The following ANKRD45 variants were observed in gnomAD, a reference collection of about 807,000 sequenced individuals.
ANKRD45 encodes the protein ankyrin repeat domain-containing protein 45.
ANKRD45 carries 21 observed loss-of-function variants against 28.1 expected under a neutral mutation model. The ratio of observed to expected loss-of-function variants is 0.75; its 90% CI spans 0.53 to 1.08. The LOEUF (loss-of-function observed/expected upper bound fraction) is 1.08. ANKRD45 is among the 50% of genes least tolerant of loss of function. The pLI is 0.00. For synonymous variants in ANKRD45, 86 were observed against 103.9 expected (o/e 0.83, Z 1.05); for missense variants, 261 against 308.7 (o/e 0.85, Z 1.16).
chr1:173,629,712 G>T (rs1033511960), intron 3 of ANKRD45, among the ~76,000 whole-genome samples: 1 of 151,960 alleles, frequency 6.6e-6, no homozygotes, highest in Admixed American at 6.6e-5. Context: ...TTAAAGAGGA[G>T]GTAGAGAGAG....
chr1:173,623,389 C>A (rs574288892), intron 5 of ANKRD45, among the ~76,000 whole-genome samples: 8 of 151,338 alleles, frequency 5.3e-5, no homozygotes, highest in Non-Finnish European at 1.2e-4. Flanking sequence ...TAGAGAAATG[C>A]GAATCAAAAA....
Position 173,620,339 on chromosome 1 carries a change from C to G in ANKRD45, c.730+4448G>C, listed in dbSNP as rs548864702. Among the ~76,000 whole-genome samples, 77 of 152,310 alleles carry G rather than the reference C, an allele frequency of 5.1e-4. 1 individual carries two copies. The South Asian group carries it at 0.015, about 30-fold the overall frequency. ...AACTGCATGGAAATTGAACAACCTG[C>G]TCCTGAATGACTCCTGGGTAAATAC... On this transcript the variant is annotated intron_variant, in intron 5 of 5. Transcript: ENST00000333279.
At chr1:173,643,516 C>T (rs1668794739) in intron 3 of ANKRD45, among the ~76,000 whole-genome samples, 1 of 152,038 alleles carries the variant, frequency 6.6e-6, no homozygotes, top group Non-Finnish European at 1.5e-5. Context: ...TAATTTCCTA[C>T]TTCAGATTGC....
chr1:173,680,239 C>T, the ANKRD45 span, among the ~76,000 whole-genome samples: 1 of 152,150 alleles, frequency 6.6e-6, no homozygotes, highest in African/African-American at 2.4e-5. Flanking sequence ...CACATGCACA[C>T]GTGTGTTTAT....
chr1:173,662,901 G>A (rs1246398631), intron 1 of ANKRD45, among the ~76,000 whole-genome samples: 2 of 152,110 alleles, frequency 1.3e-5, no homozygotes, highest in Non-Finnish European at 2.9e-5. Flanking sequence ...TTGGAAATGG[G>A]AGTTGAGTTA....
the ANKRD45 span, among the ~76,000 whole-genome samples, chr1:173,677,543 C>T: frequency 6.6e-6 from 1 of 152,040 alleles, no homozygotes; most frequent in Non-Finnish European, 1.5e-5. Context: ...AGTCCCTGGA[C>T]CTTGAGGAGT....
chr1:173,669,039 C>T (rs911043434), intron 1 of ANKRD45, among the ~76,000 whole-genome samples: 11 of 152,188 alleles, frequency 7.2e-5, no homozygotes, highest in Non-Finnish European at 1.3e-4. Flanking sequence ...GAGCCACCCA[C>T]AATAGAAAAT....
intron 3 of ANKRD45, chr1:173,637,033 C>G: frequency 6.6e-7 from 1 of 1,504,422 alleles, no homozygotes; most frequent in South Asian, 1.2e-5. Context: ...CCAGAAGATA[C>G]TAAATAAATG....
the ANKRD45 span, among the ~76,000 whole-genome samples, chr1:173,699,335 A>T: frequency 1.3e-5 from 2 of 152,234 alleles, no homozygotes; most frequent in Non-Finnish European, 2.9e-5. Flanking sequence ...GGCCAGCATC[A>T]TCTTGATACC....
rs1041184283 is a variant in ANKRD45 at position 173,609,069 on chromosome 1, C to T, written c.*1076G>A. Among the ~76,000 whole-genome samples the T allele has an allele frequency of 5.3e-5, 8 of 151,288 alleles. No homozygotes were observed. Among genetic ancestry groups the T allele is most frequent in the African/African-American group, 1.9e-4 (8 of 41,202 alleles). ...ACTGCTCCATAAACACCCACTGGGTCGGCCAAAAAGGTGGCTGAAAGTTAT... is the reference window on the plus strand; with the variant it reads ...ACTGCTCCATAAACACCCACTGGGTTGGCCAAAAAGGTGGCTGAAAGTTAT... On this transcript the variant is annotated 3_prime_UTR_variant, in exon 6 of 6. Transcript: ENST00000333279.
chr1:173,676,654 T>C, the ANKRD45 span, among the ~76,000 whole-genome samples: 1 of 151,730 alleles, frequency 6.6e-6, no homozygotes, highest in Non-Finnish European at 1.5e-5. Context: ...AAGACAACAA[T>C]CATTCATGGA....
At position 173,608,820 on chromosome 1, in the gene ANKRD45, G is replaced by T. The variant is rs376105490; in HGVS notation, c.*1325C>A. Among the ~76,000 whole-genome samples, 186 of 133,172 alleles carry T rather than the reference G, an allele frequency of 1.4e-3. 5 individuals carry two copies. In the East Asian group the frequency reaches 0.035, roughly 25 times the overall value. The allele number at this position is 133,172 out of a possible 152,430, so 87.4% of individuals were successfully genotyped here. On this transcript the variant is annotated 3_prime_UTR_variant, in exon 6 of 6. Transcript: ENST00000333279. ...AGAAGAAGGAGTTGGAGAGGGAAGA[G>T]GAGGAGGAGAGAGAAGAGGAGGGGG...
chr1:173,643,439 G>A (rs746941044), intron 3 of ANKRD45, among the ~76,000 whole-genome samples: 8 of 151,816 alleles, frequency 5.3e-5, no homozygotes, highest in Non-Finnish European at 1.0e-4. Context: ...CCAAAGTCCC[G>A]GGATTACAGG....
intron 5 of ANKRD45, among the ~76,000 whole-genome samples, chr1:173,615,826 G>A (rs766286475): frequency 7.2e-5 from 11 of 152,090 alleles, no homozygotes; most frequent in South Asian, 2.1e-4. Context: ...AATTTGGGCC[G>A]GGCACGGTGG....
chr1:173,673,571 G>C (rs1670326509), upstream of ANKRD45, among the ~76,000 whole-genome samples: 1 of 151,542 alleles, frequency 6.6e-6, no homozygotes, highest in South Asian at 2.1e-4. Flanking sequence ...TGTGTTAAGT[G>C]ATTCATATAA....
At chr1:173,696,721 G>C in the ANKRD45 span, among the ~76,000 whole-genome samples, 1 of 151,868 alleles carries the variant, frequency 6.6e-6, no homozygotes, top group African/African-American at 2.4e-5. Context: ...ATCCAGCTTT[G>C]TTCTTTTTGC....
In ANKRD45 at chr1:173,646,833, T is replaced by G; in HGVS notation, c.496+13A>C. ...CATCAGTCAGTTTGCTAACCCCTTG[T>G]GAGCTTCCTTACCTGCCCAGTCCAG... is the stretch of plus-strand genomic sequence containing the variant. On this transcript the variant is annotated intron_variant, in intron 3 of 5. Transcript: ENST00000333279. 1 of 1,611,760 alleles carries G rather than the reference T, an allele frequency of 6.2e-7. No individual in the cohort carries two copies. The highest frequency in any genetic ancestry group is 8.5e-7 in the Non-Finnish European group (1 of 1,178,308).
upstream of ANKRD45, among the ~76,000 whole-genome samples, chr1:173,672,184 G>A (rs1435190648): frequency 6.6e-6 from 1 of 152,118 alleles, no homozygotes; most frequent in African/African-American, 2.4e-5. Context: ...TTTTTCAAAT[G>A]TAATTATTAA....
intron 3 of ANKRD45, among the ~76,000 whole-genome samples, chr1:173,642,618 T>TC (rs1668749953): frequency 1.3e-5 from 2 of 152,332 alleles, no homozygotes; most frequent in South Asian, 4.1e-4. Flanking sequence ...TGTTCTTAGC[T>TC]CCACATTTTA....
Sources: gnomAD v4.1 joint callset for allele counts (sites outside exome capture counted in the v4.1 genomes callset) on GRCh38, gnomAD v4.1.1 for gene constraint, MANE v1.5 for transcripts, NCBI Gene and HGNC (gene_info 2026-07-23, HGNC 2026-07-21) for gene names.